Variants in ATF7IP2 observed in about 807,000 individuals in gnomAD.
ATF7IP2 encodes the protein activating transcription factor 7 interacting protein 2.
A neutral mutation model predicts 64.2 loss-of-function variants in ATF7IP2; 42 were observed. The observed-to-expected ratio is 0.65, with a 90% CI of 0.51 to 0.85. The LOEUF is 0.85. ATF7IP2 is among the 40% of genes least tolerant of loss of function. ATF7IP2 has a pLI of 0.00. For synonymous variants in ATF7IP2, 308 were observed against 272.8 expected (o/e 1.13, Z -1.27); for missense variants, 933 against 784.2 (o/e 1.19, Z -2.27).
chr16:10,460,657 G>C (rs374428247), intron 9 of ATF7IP2, among the ~76,000 whole-genome samples: 7 of 151,940 alleles, frequency 4.6e-5, no homozygotes, highest in Non-Finnish European at 1.0e-4. Flanking sequence ...GTTTATGTTG[G>C]GGGAAATATG....
Position 10,430,929 on chromosome 16 carries a change from T to A in ATF7IP2, c.309T>A (p.Val103=), listed in dbSNP as rs756978727. 18 of 1,613,924 alleles carry A rather than the reference T, an allele frequency of 1.1e-5. No individual in the cohort carries two copies. In the East Asian group the frequency reaches 4.0e-4, roughly 36 times the overall value. Residue 103 remains valine, a synonymous_variant, in exon 5 of 14, where the codon GTT becomes GTA. Coordinates refer to ENST00000562102, the MANE Select transcript of ATF7IP2 (RefSeq NM_001393719.1). ...QNCIKPVEEI[V]HSETKLEQVV... ...GCATAAAACCAGTAGAAGAAATTGT[T>A]CATTCAGAAACAAAATTGGAACAAG...
Position 10,387,661 on chromosome 16 carries a change from G to C in ATF7IP2, c.-242+1539G>C, listed in dbSNP as rs149773104. On this transcript the variant is annotated intron_variant, in intron 1 of 13. Coordinates refer to ENST00000562102, the MANE Select transcript of ATF7IP2 (RefSeq NM_001393719.1). ...ATATCATAGCTCTCTTATAGTGAGT[G>C]TGCACAATCTATTTCATTTGATGTA... 66 of 152,236 alleles carry C rather than the reference G, an allele frequency of 4.3e-4. 1 individual carries two copies. Among genetic ancestry groups the C allele is most frequent in the African/African-American group, 1.4e-3 (60 of 41,536 alleles). The allele number at this position is 152,236 out of a possible 1,614,324, so 9.4% of individuals were successfully genotyped here. A position where few individuals can be genotyped will look rare whatever the true frequency, so the allele number is the denominator to read the frequency against.
chr16:10,454,059 G>T (rs1439346623), intron 8 of ATF7IP2: 1 of 151,454 alleles, frequency 6.6e-6, no homozygotes, highest in Non-Finnish European at 1.5e-5. Context: ...TCTTTGTAAG[G>T]AATTTATCCA....
At chr16:10,440,153 T>TC (rs1392940912) in intron 7 of ATF7IP2, among the ~76,000 whole-genome samples, 5 of 151,896 alleles carry the variant, frequency 3.3e-5, no homozygotes, top group Non-Finnish European at 7.4e-5. Flanking sequence ...AGAGCGAAAC[T>TC]CCATCTCAAA....
chr16:10,434,453 G>A (rs1034086830), intron 6 of ATF7IP2, among the ~76,000 whole-genome samples: 7 of 152,134 alleles, frequency 4.6e-5, no homozygotes, highest in African/African-American at 1.2e-4. Context: ...TTCAGAAACA[G>A]AAACACTACC....
chr16:10,456,409 A>G (rs1012677560), intron 8 of ATF7IP2, among the ~76,000 whole-genome samples: 5 of 152,148 alleles, frequency 3.3e-5, no homozygotes, highest in African/African-American at 7.2e-5. Flanking sequence ...ATCCAGTCAC[A>G]GGGAGGGCTC....
At chr16:10,415,240 A>C (rs185904635) in intron 2 of ATF7IP2, among the ~76,000 whole-genome samples, 2 of 152,350 alleles carry the variant, frequency 1.3e-5, no homozygotes, top group Admixed American at 1.3e-4. Context: ...CTGCAGAGCT[A>C]TAGTAACTAA....
At chr16:10,440,523 G>T in intron 8 of ATF7IP2, 61 bp downstream of exon 8, 2 of 944,926 alleles carry the variant, frequency 2.1e-6, no homozygotes, top group South Asian at 3.2e-5. Flanking sequence ...GGTTTGATTA[G>T]AAGAAATGAA....
intron 7 of ATF7IP2, among the ~76,000 whole-genome samples, 184 bp downstream of exon 7, chr16:10,438,419 G>GTTT (rs374050720): frequency 1.5e-5 from 2 of 135,654 alleles, no homozygotes; most frequent in African/African-American, 2.7e-5. Context: ...TAATTTTTGG[G>GTTT]TTTTTTTTTT....
At chr16:10,465,056 G>A (rs1430176369) in intron 9 of ATF7IP2, among the ~76,000 whole-genome samples, 1 of 152,050 alleles carries the variant, frequency 6.6e-6, no homozygotes, top group Non-Finnish European at 1.5e-5. Context: ...TCTCAAACTC[G>A]TCACCTCAGG....
At chr16:10,438,776 C>A (rs983668169) in intron 7 of ATF7IP2, among the ~76,000 whole-genome samples, 1 of 152,162 alleles carries the variant, frequency 6.6e-6, no homozygotes, top group South Asian at 2.1e-4. Flanking sequence ...CAGCTTCGGC[C>A]AGGCGCGATG....
At chr16:10,470,233 C>G (rs1049482370) in intron 9 of ATF7IP2, among the ~76,000 whole-genome samples, 2 of 151,804 alleles carry the variant, frequency 1.3e-5, no homozygotes, top group Non-Finnish European at 2.9e-5. Flanking sequence ...TATATATATA[C>G]ACACACACAA....
At chr16:10,392,719 C>A (rs1415281744) in intron 1 of ATF7IP2, among the ~76,000 whole-genome samples, 1 of 151,870 alleles carries the variant, frequency 6.6e-6, no homozygotes, top group African/African-American at 2.4e-5. Flanking sequence ...CAGGCACAGG[C>A]CCATAAATTG....
Position 10,473,970 on chromosome 16 carries a change from C to A in ATF7IP2, c.1530C>A (p.Gly510=). Residue 510 remains glycine, a synonymous_variant, in exon 12 of 14, where the codon GGC becomes GGA. Coordinates refer to ENST00000562102, the MANE Select transcript of ATF7IP2 (RefSeq NM_001393719.1). ...CTATAATTGATTTGACAAAAGAAGG[C>A]CTATCCAACTGCAATACAGGTAAAA... ...LDSIIDLTKE[G]LSNCNTESPV... 6.3e-7 allele frequency: 1 copy of A among 1,589,642 alleles called. No homozygotes were observed. The highest frequency in any genetic ancestry group is 8.6e-7 in the Non-Finnish European group (1 of 1,166,398).
At position 10,473,950 on chromosome 16, in the gene ATF7IP2, A is replaced by C. The variant is rs1286719681; in HGVS notation, c.1510A>C (p.Ile504Leu). 14 of 1,572,268 alleles carry C rather than the reference A, an allele frequency of 8.9e-6. No individual in the cohort carries two copies. The East Asian group carries it at 3.2e-4, about 36-fold the overall frequency. The stretch of plus-strand genomic sequence containing the variant: ...TGTACAGAAGAAACTTGATTCTATA[A>C]TTGATTTGACAAAAGAAGGCCTATC... Reference protein sequence around the residue: ...MAVQKKLDSIIDLTKEGLSNC... With the variant: ...MAVQKKLDSILDLTKEGLSNC... The change falls in exon 12 of 14, where the codon ATT becomes CTT. Residue 504 changes from isoleucine (I) to leucine (L), a missense_variant. Transcript: ENST00000562102.
At chr16:10,467,715 G>T (rs2049630201) in intron 9 of ATF7IP2, among the ~76,000 whole-genome samples, 1 of 150,752 alleles carries the variant, frequency 6.6e-6, no homozygotes, top group South Asian at 2.1e-4. Context: ...ACCACACCTG[G>T]TAATGTTTTG....
At chr16:10,425,054 AT>A (rs59143669) in intron 3 of ATF7IP2, among the ~76,000 whole-genome samples, 9,215 of 132,162 alleles carry the variant, frequency 0.07, 500 homozygotes, top group African/African-American at 0.18. Context: ...TTTATATCAG[AT>A]TTTTTTTTTT....
chr16:10,411,144 A>T (rs9929343), intron 1 of ATF7IP2, among the ~76,000 whole-genome samples: 86,258 of 151,838 alleles, frequency 0.57, 24,546 homozygotes, highest in East Asian at 0.69. Flanking sequence ...TTTGCATCTA[A>T]GTTCATCAGG....
At chr16:10,479,984 TTTTTTTTTTTTTTTTTTG>T (rs2050159556) in intron 12 of ATF7IP2, among the ~76,000 whole-genome samples, 1 of 43,876 alleles carries the variant, frequency 2.3e-5, no homozygotes, top group African/African-American at 1.0e-4. Flanking sequence ...TTTTTTTTTT[TTTTTTTTTTTTTTTTTTG>T]AGACAGTCTT....
Sources: allele counts gnomAD v4.1 joint callset (sites outside exome capture counted in the v4.1 genomes callset), GRCh38; gene constraint gnomAD v4.1.1; transcripts MANE v1.5; gene names NCBI Gene and HGNC (gene_info 2026-07-23, HGNC 2026-07-21).